The following PPP1R13B variants were observed in gnomAD, a reference collection of about 807,000 sequenced individuals.
PPP1R13B encodes apoptosis-stimulating of p53 protein 1.
In PPP1R13B, 44 loss-of-function variants were observed where a neutral mutation model predicts 119.8. The observed-to-expected ratio is 0.37, with a 90% CI of 0.29 to 0.47. The LOEUF is 0.47. PPP1R13B is among the 20% of genes least tolerant of loss of function. The probability of loss-of-function intolerance (pLI) is 0.99; values close to 1 mark genes in which losing one functional copy is unlikely to be tolerated. For synonymous variants in PPP1R13B, 542 were observed against 561.5 expected (o/e 0.97, Z 0.49); for missense variants, 1,227 against 1,413.5 (o/e 0.87, Z 2.12).
chr14:103,846,865 A>T, intron 1 of PPP1R13B: 1 of 547,154 alleles, frequency 1.8e-6, no homozygotes, highest in Non-Finnish European at 3.2e-6. Flanking sequence ...CGCGAAGGCT[A>T]CGGGAATGCG....
intron 15 of PPP1R13B, 174 bp from the exon 16 acceptor site, chr14:103,736,376 C>G (rs2084112294): frequency 3.1e-6 from 2 of 647,700 alleles, no homozygotes; most frequent in East Asian, 2.7e-5. Flanking sequence ...CCCGATACCT[C>G]CCCTGCCCGG....
At chr14:103,810,878 C>T (rs886642802) in intron 1 of PPP1R13B, among the ~76,000 whole-genome samples, 2 of 149,830 alleles carry the variant, frequency 1.3e-5, no homozygotes, top group African/African-American at 4.9e-5. Flanking sequence ...CACTTGAGGT[C>T]AGGAGTTCAA....
chr14:103,819,357 C>T (rs1300626156), intron 1 of PPP1R13B, among the ~76,000 whole-genome samples: 1 of 151,940 alleles, frequency 6.6e-6, no homozygotes, highest in African/African-American at 2.4e-5. Context: ...AAGACCTAGA[C>T]ATGGTGGTGC....
chr14:103,736,273 A>T (rs564343879), intron 15 of PPP1R13B, 71 bp from the exon 16 acceptor site: 4 of 1,511,542 alleles, frequency 2.6e-6, no homozygotes, highest in East Asian at 2.3e-5. Context: ...CTCGAGGAAC[A>T]GGACACAGTC....
chr14:103,771,916 C>G (rs1283274060), intron 4 of PPP1R13B, among the ~76,000 whole-genome samples: 1 of 151,028 alleles, frequency 6.6e-6, no homozygotes, highest in Non-Finnish European at 1.5e-5. Context: ...GAAATCAGCA[C>G]AATCAAGAAA....
At chr14:103,809,565 T>G (rs1415320170) in intron 1 of PPP1R13B, among the ~76,000 whole-genome samples, 1 of 152,030 alleles carries the variant, frequency 6.6e-6, no homozygotes, top group Non-Finnish European at 1.5e-5. Flanking sequence ...CTCACACCTG[T>G]ATGCCAGCAC....
chr14:103,777,068 T>C (rs1476643254), intron 4 of PPP1R13B, among the ~76,000 whole-genome samples: 5 of 151,712 alleles, frequency 3.3e-5, no homozygotes, highest in African/African-American at 9.6e-5. Flanking sequence ...TCTCGGCTCA[T>C]TGCAACCTCT....
At position 103,734,759 on chromosome 14, in the gene PPP1R13B, C is replaced by T; in HGVS notation, c.*395G>A. On this transcript the variant is annotated 3_prime_UTR_variant, in exon 17 of 17. Coordinates refer to ENST00000202556, the MANE Select transcript of PPP1R13B (RefSeq NM_015316.3). ...GGGGGGCAGGGCGGTCGCAGGGGAG[C>T]AGGCCTCACAGCGGCGGACAGTGTT... The T allele has an allele frequency of 2.2e-6, 1 of 464,238 alleles. No homozygotes were observed. Among genetic ancestry groups the T allele is most frequent in the Admixed American group, 2.3e-5 (1 of 42,806 alleles). 28.8% of individuals were successfully genotyped at this position (464,238 alleles called of 1,614,324 possible).
upstream of PPP1R13B, chr14:103,848,595 A>G: frequency 1.4e-6 from 1 of 707,630 alleles, no homozygotes; most frequent in Non-Finnish European, 1.7e-6. Context: ...GGATGGCCCC[A>G]GACACAGAAG....
chr14:103,780,175 A>G (rs976763866), intron 3 of PPP1R13B, among the ~76,000 whole-genome samples: 3 of 150,014 alleles, frequency 2.0e-5, no homozygotes, highest in Middle Eastern at 3.5e-3. Flanking sequence ...AAAAGCAAAA[A>G]AAAAATCCAA....
At chr14:103,771,475 C>CTTT (rs57795299) in intron 4 of PPP1R13B, among the ~76,000 whole-genome samples, 399 of 96,852 alleles carry the variant, frequency 4.1e-3, no homozygotes, top group Non-Finnish European at 5.0e-3. Flanking sequence ...ACTAACACTT[C>CTTT]TTTTTTTTTT....
rs191047609 is a variant in PPP1R13B, at chr14:103,776,611, G to A, written c.354+2134C>T. 1.0e-3 allele frequency among the ~76,000 whole-genome samples: 156 copies of A among 152,238 alleles called. 1 individual carries two copies. Among genetic ancestry groups the A allele is most frequent in the African/African-American group, 3.0e-3 (123 of 41,560 alleles). ...AATCAGGCTGGGCGCGATGGCTCAC[G>A]CCTGTAATCCCAGAACTTTGGGAGG... On this transcript the variant is annotated intron_variant, in intron 4 of 16. Coordinates refer to ENST00000202556, the MANE Select transcript of PPP1R13B (RefSeq NM_015316.3).
upstream of PPP1R13B, chr14:103,848,191 G>A (rs1438710034): frequency 1.0e-6 from 1 of 962,170 alleles, no homozygotes; most frequent in East Asian, 1.2e-4. Context: ...CGCGCCCCCC[G>A]CACCAGCTCC....
chr14:103,740,201 C>T lies in PPP1R13B; in HGVS notation c.2215G>A (p.Gly739Ser), dbSNP rs753605865. ...GGGCTGGGCTGGTAGAAAGGGGTGC[C>T]CTCCATGCCACCGGCCAGGGTGTTG... ...RFNTLAGGME[G>S]TPFYQPSPSQ... The change falls in exon 12 of 17, where the codon GGC becomes AGC. Residue 739 changes from glycine (G) to serine (S), a missense_variant. By Grantham distance (56) the Gly-to-Ser change is moderately conservative. Transcript: ENST00000202556. This position sits in a 1 kb window ranked among gnomAD's most constrained non-coding sequence, Gnocchi z 4.6. 1 of 1,613,842 alleles carries T rather than the reference C, an allele frequency of 6.2e-7. No homozygotes were observed. Among genetic ancestry groups the T allele is most frequent in the Non-Finnish European group, 8.5e-7 (1 of 1,179,980 alleles).
At chr14:103,814,164 C>T (rs2086223103) in intron 1 of PPP1R13B, among the ~76,000 whole-genome samples, 1 of 152,092 alleles carries the variant, frequency 6.6e-6, no homozygotes, top group Admixed American at 6.5e-5. Flanking sequence ...GCCTGGCCAA[C>T]ATGGTGAAAC....
chr14:103,736,317 A>G (rs1244674041), intron 15 of PPP1R13B, 115 bp from the exon 16 acceptor site: 5 of 1,121,618 alleles, frequency 4.5e-6, no homozygotes, highest in Non-Finnish European at 6.5e-6. Context: ...AGCAGGCCCC[A>G]CAGAGGCCAG....
At chr14:103,779,058 C>T (rs1435289959) in intron 3 of PPP1R13B, among the ~76,000 whole-genome samples, 5 of 151,858 alleles carry the variant, frequency 3.3e-5, no homozygotes, top group Non-Finnish European at 5.9e-5. Flanking sequence ...GAGGCCAAAG[C>T]AGGAAGATAG....
chr14:103,787,995 C>T (rs2085512471), intron 2 of PPP1R13B, among the ~76,000 whole-genome samples: 1 of 151,874 alleles, frequency 6.6e-6, no homozygotes, highest in Non-Finnish European at 1.5e-5. Flanking sequence ...CATCCATAGT[C>T]CCAGCGACTA....
intron 1 of PPP1R13B, among the ~76,000 whole-genome samples, chr14:103,798,354 G>A (rs571780657): frequency 1.6e-3 from 236 of 151,880 alleles, no homozygotes; most frequent in Non-Finnish European, 2.6e-3. Context: ...GGGTTTCACC[G>A]TGTTAGCCAG....
Sources: allele counts gnomAD v4.1 joint callset (sites outside exome capture counted in the v4.1 genomes callset), GRCh38; gene constraint gnomAD v4.1.1; non-coding constraint Gnocchi (gnomAD v3.1); transcripts MANE v1.5; gene names NCBI Gene and HGNC (gene_info 2026-07-23, HGNC 2026-07-21).